Variants in RPS6KC1 observed in about 807,000 individuals in gnomAD.
The protein encoded by RPS6KC1 is ribosomal protein S6 kinase C1, also known as inactive ribosomal protein S6 kinase delta-1.
RPS6KC1 carries 54 observed loss-of-function variants against 103.8 expected under a neutral mutation model. The ratio of observed to expected loss-of-function variants is 0.52; its 90% CI spans 0.42 to 0.65. The LOEUF is 0.65. RPS6KC1 is among the 30% of genes least tolerant of loss of function. RPS6KC1 has a pLI of 0.00. For missense variants in RPS6KC1, 1,151 were observed against 1,253.8 expected (o/e 0.92, Z 1.24); for synonymous variants, 439 against 438.7 (o/e 1.00, Z -0.01).
chr1:213,303,973 A>G, the RPS6KC1 span, among the ~76,000 whole-genome samples: 40 of 151,914 alleles, frequency 2.6e-4, no homozygotes, highest in Admixed American at 1.0e-3. Flanking sequence ...TGGGAGGCCG[A>G]GGCAGGCGGA....
the RPS6KC1 span, among the ~76,000 whole-genome samples, chr1:213,473,684 A>G: frequency 6.6e-6 from 1 of 152,216 alleles, no homozygotes; most frequent in African/African-American, 2.4e-5. Flanking sequence ...AAGTCCAACA[A>G]TCTTGGGATA....
At chr1:213,850,380 A>T in the RPS6KC1 span, among the ~76,000 whole-genome samples, 1 of 152,130 alleles carries the variant, frequency 6.6e-6, no homozygotes, top group Non-Finnish European at 1.5e-5. Flanking sequence ...TGTGAAAAGG[A>T]TGTTCACGTT....
chr1:213,672,191 C>T, the RPS6KC1 span, among the ~76,000 whole-genome samples: 5 of 152,130 alleles, frequency 3.3e-5, no homozygotes, highest in East Asian at 5.8e-4. Context: ...GCCTTCCTTT[C>T]GGCCTGGGAA....
intron 12 of RPS6KC1, among the ~76,000 whole-genome samples, chr1:213,256,040 TTTCCATG>T (rs60181706): frequency 2.1e-4 from 29 of 141,184 alleles, no homozygotes; most frequent in African/African-American, 8.6e-4. Context: ...TCTTTTCTGG[TTTCCATG>T]AAAAACCAAT....
chr1:213,064,632 T>C (rs61834087), intron 1 of RPS6KC1, among the ~76,000 whole-genome samples: 5,131 of 151,438 alleles, frequency 0.034, 121 homozygotes, highest in Middle Eastern at 0.055. Flanking sequence ...CCTCCCAAAG[T>C]GCTGAGATTA....
At chr1:213,300,957 A>G in the RPS6KC1 span, among the ~76,000 whole-genome samples, 1 of 152,196 alleles carries the variant, frequency 6.6e-6, no homozygotes, top group East Asian at 1.9e-4. Context: ...GAATCAGCCG[A>G]TCCTCTTCTT....
chr1:213,231,500 A>G (rs894556634), intron 9 of RPS6KC1, among the ~76,000 whole-genome samples: 17 of 152,166 alleles, frequency 1.1e-4, no homozygotes, highest in Admixed American at 6.5e-4. Context: ...TTAATTTTAT[A>G]TTTCTTTTTC....
At chr1:213,543,791 T>C in the RPS6KC1 span, among the ~76,000 whole-genome samples, 1 of 152,230 alleles carries the variant, frequency 6.6e-6, no homozygotes, top group Admixed American at 6.5e-5. Context: ...AGGGTTCCAG[T>C]CTTTTTTCCT....
the RPS6KC1 span, chr1:213,820,232 A>T: frequency 6.6e-6 from 1 of 152,254 alleles, no homozygotes; most frequent in South Asian, 2.1e-4. Flanking sequence ...CCGGGACCCC[A>T]GGCTGCCTCT....
At chr1:213,346,469 A>C in the RPS6KC1 span, among the ~76,000 whole-genome samples, 2 of 152,216 alleles carry the variant, frequency 1.3e-5, no homozygotes. Context: ...TGATACTGTC[A>C]AGTTCATAAA....
chr1:213,639,647 A>G, the RPS6KC1 span, among the ~76,000 whole-genome samples: 2 of 152,070 alleles, frequency 1.3e-5, no homozygotes, highest in African/African-American at 4.8e-5. Flanking sequence ...TCCCGCATCT[A>G]TGGATAAGAT....
At chr1:213,388,096 C>T in the RPS6KC1 span, among the ~76,000 whole-genome samples, 1 of 152,386 alleles carries the variant, frequency 6.6e-6, no homozygotes, top group South Asian at 2.1e-4. Context: ...CATTCTCCTT[C>T]CTCTTGGAGC....
the RPS6KC1 span, among the ~76,000 whole-genome samples, chr1:213,313,735 C>T: frequency 2.6e-5 from 4 of 152,250 alleles, no homozygotes; most frequent in South Asian, 6.2e-4. Flanking sequence ...GAGGCCAAGG[C>T]GGGCGGATCA....
the RPS6KC1 span, among the ~76,000 whole-genome samples, chr1:213,356,028 A>G: frequency 6.6e-6 from 1 of 152,234 alleles, no homozygotes; most frequent in Non-Finnish European, 1.5e-5. Flanking sequence ...GCTCATGGAA[A>G]ATATTCAATA....
intron 7 of RPS6KC1, among the ~76,000 whole-genome samples, chr1:213,174,514 A>G (rs756700676): frequency 3.3e-5 from 5 of 152,008 alleles, no homozygotes; most frequent in Admixed American, 2.0e-4. Context: ...TACTAAGAAT[A>G]CAGAAATTAG....
the RPS6KC1 span, among the ~76,000 whole-genome samples, chr1:213,720,360 G>T: frequency 1.3e-5 from 2 of 152,134 alleles, no homozygotes; most frequent in African/African-American, 4.8e-5. Context: ...TCTTGACATT[G>T]GAAAAACTGG....
intron 4 of RPS6KC1, among the ~76,000 whole-genome samples, chr1:213,114,234 C>A (rs1243538162): frequency 1.3e-5 from 2 of 151,496 alleles, no homozygotes; most frequent in African/African-American, 2.4e-5. Flanking sequence ...CTTTTATTTC[C>A]TTGAGCAGTG....
chr1:213,532,068 C>G, the RPS6KC1 span, among the ~76,000 whole-genome samples: 2 of 152,194 alleles, frequency 1.3e-5, no homozygotes, highest in Non-Finnish European at 2.9e-5. Flanking sequence ...CCTGGCATGC[C>G]AGGGCTAGCA....
the RPS6KC1 span, among the ~76,000 whole-genome samples, chr1:213,658,096 G>T: frequency 2.9e-4 from 44 of 152,178 alleles, no homozygotes; most frequent in Non-Finnish European, 7.3e-5. Flanking sequence ...ATGCTTGTGC[G>T]CACTGTAAAG....
Sources: allele counts gnomAD v4.1 joint callset (sites outside exome capture counted in the v4.1 genomes callset), GRCh38; gene constraint gnomAD v4.1.1; transcripts MANE v1.5; gene names NCBI Gene and HGNC (gene_info 2026-07-23, HGNC 2026-07-21).